The following INPP4B variants were observed in gnomAD, a reference collection of about 807,000 sequenced individuals.
INPP4B encodes the protein inositol polyphosphate-4-phosphatase type II B, also known as inositol polyphosphate 4-phosphatase type II.
Under a neutral mutation model 122.5 loss-of-function variants are expected in INPP4B, and 55 were observed. That is an observed-to-expected ratio of 0.45 (90% CI 0.36 to 0.56). INPP4B has a LOEUF of 0.56. INPP4B is among the 20% of genes least tolerant of loss of function. INPP4B has a pLI of 0.00. For synonymous variants in INPP4B, 403 were observed against 388.7 expected (o/e 1.04, Z -0.43); for missense variants, 1,000 against 1,097.7 (o/e 0.91, Z 1.26).
chr4:142,740,386 G>C (rs1051081765), intron 1 of INPP4B, among the ~76,000 whole-genome samples: 17 of 151,980 alleles, frequency 1.1e-4, no homozygotes, highest in African/African-American at 3.4e-4. Context: ...ATTCTAAAAC[G>C]CTTTTCTGCT....
intron 14 of INPP4B, among the ~76,000 whole-genome samples, chr4:142,200,292 A>G (rs1241747935): frequency 6.6e-6 from 1 of 151,820 alleles, no homozygotes; most frequent in African/African-American, 2.4e-5. Context: ...TTAGCATGTC[A>G]TTACTTTCTA....
chr4:142,744,441 C>G (rs1768373389), intron 1 of INPP4B, among the ~76,000 whole-genome samples: 1 of 151,646 alleles, frequency 6.6e-6, no homozygotes, highest in Non-Finnish European at 1.5e-5. Context: ...CTTATAGGAT[C>G]CAGAATTTGA....
At chr4:142,579,169 G>A (rs75972607) in intron 2 of INPP4B, among the ~76,000 whole-genome samples, 11,866 of 152,062 alleles carry the variant, frequency 0.078, 632 homozygotes, top group Non-Finnish European at 0.12. Context: ...AGTAGGGAGG[G>A]AAGCAAGTGT....
At chr4:142,642,640 T>C (rs1424487174) in intron 2 of INPP4B, among the ~76,000 whole-genome samples, 2 of 152,242 alleles carry the variant, frequency 1.3e-5, no homozygotes, top group Non-Finnish European at 2.9e-5. Context: ...TCTGTTTTGG[T>C]ACCAGTACCA....
chr4:142,348,760 T>C (rs1007036343), intron 7 of INPP4B, among the ~76,000 whole-genome samples: 1 of 152,040 alleles, frequency 6.6e-6, no homozygotes, highest in African/African-American at 2.4e-5. Context: ...CTTCCCTCTA[T>C]AGCCACAGAA....
chr4:142,436,935 G>A (rs1036550221), intron 3 of INPP4B, among the ~76,000 whole-genome samples: 4 of 152,044 alleles, frequency 2.6e-5, no homozygotes, highest in Non-Finnish European at 5.9e-5. Flanking sequence ...ACAGAAGTAG[G>A]CTTCAGAAGG....
chr4:142,643,337 A>T (rs1214480461), intron 2 of INPP4B, among the ~76,000 whole-genome samples: 3 of 152,232 alleles, frequency 2.0e-5, no homozygotes, highest in Admixed American at 2.0e-4. Context: ...CAGGGAAGAT[A>T]AAAACAGAAA....
intron 23 of INPP4B, among the ~76,000 whole-genome samples, chr4:142,092,524 C>T (rs1780055564): frequency 6.6e-6 from 1 of 152,114 alleles, no homozygotes; most frequent in South Asian, 2.1e-4. Context: ...CTCCTGACCT[C>T]AGGTGATCCA....
intron 14 of INPP4B, among the ~76,000 whole-genome samples, chr4:142,196,859 A>G (rs1838450893): frequency 6.6e-6 from 1 of 151,948 alleles, no homozygotes; most frequent in African/African-American, 2.4e-5. Context: ...ATGAAAGTGA[A>G]AATTATTGTA....
chr4:142,705,481 A>G (rs1580742136), intron 2 of INPP4B, among the ~76,000 whole-genome samples: 1 of 151,796 alleles, frequency 6.6e-6, no homozygotes, highest in Non-Finnish European at 1.5e-5. Context: ...ACACACACAC[A>G]CACACACACA....
At chr4:142,327,580 A>G (rs74848455) in intron 7 of INPP4B, among the ~76,000 whole-genome samples, 10,496 of 152,168 alleles carry the variant, frequency 0.069, 470 homozygotes, top group Non-Finnish European at 0.1. Context: ...TTCTTTCTCT[A>G]TAGAATTCTA....
chr4:142,146,660 G>C (rs577993826), intron 17 of INPP4B, among the ~76,000 whole-genome samples: 1 of 152,248 alleles, frequency 6.6e-6, no homozygotes, highest in African/African-American at 2.4e-5. Flanking sequence ...TAACAGAACA[G>C]CCCAGAAAAT....
intron 2 of INPP4B, among the ~76,000 whole-genome samples, chr4:142,478,194 T>A (rs576997639): frequency 7.7e-4 from 118 of 152,308 alleles, no homozygotes; most frequent in Non-Finnish European, 1.5e-3. Flanking sequence ...ACTGAAGTTT[T>A]TTCGGTATAG....
chr4:142,257,622 C>A (rs1248734018), intron 11 of INPP4B, among the ~76,000 whole-genome samples: 21 of 152,178 alleles, frequency 1.4e-4, no homozygotes, highest in South Asian at 8.3e-4. Context: ...CAAAGAGAAT[C>A]AAATACCTAG....
chr4:142,537,425 TATATAGAGAGAGAGAGAGAGAGAGAG>T (rs1231010043), intron 2 of INPP4B, among the ~76,000 whole-genome samples: 4 of 40,994 alleles, frequency 9.8e-5, no homozygotes, highest in African/African-American at 3.2e-4. Context: ...TATATATATA[TATATAGAGAGAGAGAGAGAGAGAGAG>T]AGAGAGAGAG....
chr4:142,101,655 A>T (rs1361533443), intron 23 of INPP4B, among the ~76,000 whole-genome samples: 2 of 152,106 alleles, frequency 1.3e-5, no homozygotes, highest in African/African-American at 4.8e-5. Flanking sequence ...TCCAGAGCAC[A>T]ATCTGTGTTA....
chr4:142,528,842 T>C (rs1248004675), intron 2 of INPP4B, among the ~76,000 whole-genome samples: 1 of 152,160 alleles, frequency 6.6e-6, no homozygotes, highest in African/African-American at 2.4e-5. Context: ...TTTGCAGATA[T>C]GTGCAGAATT....
chr4:142,294,564 G>A (rs1036181773), intron 9 of INPP4B, among the ~76,000 whole-genome samples: 2 of 151,858 alleles, frequency 1.3e-5, no homozygotes, highest in Admixed American at 1.3e-4. Context: ...GCAATCTAAG[G>A]TGCACCATCT....
intron 1 of INPP4B, among the ~76,000 whole-genome samples, chr4:142,824,313 T>C (rs990748594): frequency 7.7e-6 from 1 of 130,092 alleles, no homozygotes; most frequent in Non-Finnish European, 1.6e-5. Context: ...TCTGTCTATC[T>C]ATCTATCTCT....
Sources: allele counts gnomAD v4.1 joint callset (sites outside exome capture counted in the v4.1 genomes callset), GRCh38; gene constraint gnomAD v4.1.1; transcripts MANE v1.5; gene names NCBI Gene and HGNC (gene_info 2026-07-23, HGNC 2026-07-21).